The following PABPC1 variants were observed in gnomAD, a reference collection of about 807,000 sequenced individuals.
PABPC1 encodes polyadenylate-binding protein 1.
PABPC1 carries 4 observed loss-of-function variants against 74.0 expected under a neutral mutation model. The ratio of observed to expected loss-of-function variants is 0.05; its 90% CI spans 0.03 to 0.12. The LOEUF (loss-of-function observed/expected upper bound fraction) is 0.12. PABPC1 is among the 10% of genes least tolerant of loss of function. PABPC1 has a pLI of 1.00. For missense variants in PABPC1, 271 were observed against 821.1 expected (o/e 0.33, Z 8.19); for synonymous variants, 227 against 264.1 (o/e 0.86, Z 1.36).
intron 9 of PABPC1, among the ~76,000 whole-genome samples, chr8:100,708,530 G>C (rs980706347): frequency 6.6e-5 from 10 of 152,184 alleles, no homozygotes; most frequent in African/African-American, 1.9e-4. Context: ...CCACGACTCT[G>C]ATTCTCATAC....
At chr8:100,707,225 T>A in intron 9 of PABPC1, 2 of 387,094 alleles carry the variant, frequency 5.2e-6, no homozygotes, top group South Asian at 4.8e-5. Context: ...CCCCACAGGG[T>A]CGGTGGGCTT....
At chr8:100,719,882 G>A (rs1403333000) in intron 1 of PABPC1, among the ~76,000 whole-genome samples, 1 of 152,198 alleles carries the variant, frequency 6.6e-6, no homozygotes, top group Non-Finnish European at 1.5e-5. Flanking sequence ...GCCTAAGGTT[G>A]ACAAGAACTG....
At chr8:100,705,890 C>T (rs1306357796) in intron 11 of PABPC1, among the ~76,000 whole-genome samples, 1 of 152,148 alleles carries the variant, frequency 6.6e-6, no homozygotes, top group Non-Finnish European at 1.5e-5. Flanking sequence ...ACTTTGTCGC[C>T]CAGGCTGGAA....
At chr8:100,707,985 A>C (rs906474357) in intron 9 of PABPC1, among the ~76,000 whole-genome samples, 9 of 152,086 alleles carry the variant, frequency 5.9e-5, no homozygotes, top group Non-Finnish European at 1.0e-4. Flanking sequence ...CTCAGCTCCT[A>C]TCTCTGTATG....
chr8:100,716,758 A>G (rs1452901391), intron 3 of PABPC1, among the ~76,000 whole-genome samples: 1 of 152,218 alleles, frequency 6.6e-6, no homozygotes, highest in Admixed American at 6.5e-5. Flanking sequence ...CACAGGCACA[A>G]TCACAACACA....
At chr8:100,703,637 A>G (rs1259388266) in intron 14 of PABPC1, among the ~76,000 whole-genome samples, 1 of 152,204 alleles carries the variant, frequency 6.6e-6, no homozygotes, top group African/African-American at 2.4e-5. Flanking sequence ...TCCTGGCTGC[A>G]CTACTCAATT....
Position 100,712,806 on chromosome 8 carries a change from A to AGG in PABPC1, c.739-18_739-17insCC. 1 of 1,473,308 alleles carries AGG rather than the reference A, an allele frequency of 6.8e-7. No homozygotes were observed. The highest frequency in any genetic ancestry group is 2.4e-5 in the East Asian group (1 of 41,606). The allele number at this position is 1,473,308 out of a possible 1,614,324, so 91.3% of individuals were successfully genotyped here. On this transcript the variant is annotated splice_polypyrimidine_tract_variant and intron_variant, in intron 5 of 14. Coordinates refer to ENST00000318607, the MANE Select transcript of PABPC1 (RefSeq NM_002568.4). ...ATCCACAGCCTTCCCCCCAAAAAAAAAGAAAAAAAAAAAATCACAAAACTT... is the reference window on the plus strand; with the variant it reads ...ATCCACAGCCTTCCCCCCAAAAAAAAGGAGAAAAAAAAAAAATCACAAAACTT...
chr8:100,703,967 AT>A, intron 14 of PABPC1: 1 of 205,592 alleles, frequency 4.9e-6, no homozygotes, highest in Admixed American at 5.9e-5. Flanking sequence ...AGGCAGGAGA[AT>A]TGCTTGAACC....
At chr8:100,709,102 C>T (rs778323388) in intron 9 of PABPC1, 31 bp downstream of exon 9, 33 of 1,536,404 alleles carry the variant, frequency 2.1e-5, no homozygotes, top group South Asian at 5.6e-5. Flanking sequence ...TAACTCAATC[C>T]CCAACCTTAA....
chr8:100,721,675 G>A lies in PABPC1; in HGVS notation c.-92C>T. On this transcript the variant is annotated 5_prime_UTR_variant, in exon 1 of 15. Coordinates refer to ENST00000318607, the MANE Select transcript of PABPC1 (RefSeq NM_002568.4). The surrounding 1 kb of genome is among the most constrained non-coding windows in gnomAD (Gnocchi z 7.4). Reference sequence around the variant, plus strand: ...GGGCTGGGGGCCGGAGCCGGGGGGAGGGGAGCGGGGAGCAAGCGCAGAGGG... The same window carrying A: ...GGGCTGGGGGCCGGAGCCGGGGGGAAGGGAGCGGGGAGCAAGCGCAGAGGG... 1 of 1,038,740 alleles carries A rather than the reference G, an allele frequency of 9.6e-7. No homozygotes were observed. The highest frequency in any genetic ancestry group is 1.3e-6 in the Non-Finnish European group (1 of 758,148). 64.3% of individuals were successfully genotyped at this position (1,038,740 alleles called of 1,614,324 possible). A position where few individuals can be genotyped will look rare whatever the true frequency, so the allele number is the denominator to read the frequency against.
chr8:100,709,056 G>A, intron 9 of PABPC1, 77 bp downstream of exon 9: 2 of 1,073,242 alleles, frequency 1.9e-6, no homozygotes, highest in South Asian at 1.3e-5. Context: ...ACCTAACATT[G>A]ACATAGAAGA....
intron 13 of PABPC1, 72 bp downstream of exon 13, chr8:100,704,854 T>C: frequency 6.9e-7 from 1 of 1,449,018 alleles, no homozygotes; most frequent in Non-Finnish European, 9.6e-7. Context: ...AAGTGTTCTG[T>C]ACAATTAAGT....
intron 3 of PABPC1, 142 bp from the exon 4 acceptor site, chr8:100,715,743 C>T: frequency 1.9e-6 from 1 of 531,442 alleles, no homozygotes; most frequent in Non-Finnish European, 3.2e-6. Context: ...AGAAATAGGG[C>T]CATAATTTAA....
rs775560857 is a variant in PABPC1, at chr8:100,721,593, G to A, written c.-10C>T. 1.3e-6 allele frequency: 2 copies of A among 1,538,150 alleles called. No homozygotes were observed. The highest frequency in any genetic ancestry group is 1.8e-5 in the Admixed American group (1 of 55,360). On this transcript the variant is annotated 5_prime_UTR_variant, in exon 1 of 15. Coordinates refer to ENST00000318607, the MANE Select transcript of PABPC1 (RefSeq NM_002568.4). This position sits in a 1 kb window ranked among gnomAD's most constrained non-coding sequence, Gnocchi z 7.4. ...GGGCACTGGGGTTCATCTCGGCACG[G>A]CTGCCCGCAGGGCCACAGGCCGCGA... is the stretch of plus-strand genomic sequence containing the variant.
rs781382781 is a variant in PABPC1, at chr8:100,715,586, A to G, written c.519T>C (p.Phe173=). The change falls in exon 4 of 15, where the codon TTT becomes TTC. Residue 173 remains phenylalanine, a synonymous_variant. Coordinates refer to ENST00000318607, the MANE Select transcript of PABPC1 (RefSeq NM_002568.4). ...CAGCTTCTCGTTCTTTACGAGACTT[A>G]AATCGTCCAACAAATCTAATAAGAT... ...LNDRKVFVGR[F]KSRKEREAEL... 68 of 1,609,572 alleles carry G rather than the reference A, an allele frequency of 4.2e-5. No individual in the cohort carries two copies. In the East Asian group the frequency reaches 1.5e-3, roughly 35 times the overall value.
At chr8:100,715,959 G>A (rs1272365899) in intron 3 of PABPC1, among the ~76,000 whole-genome samples, 1 of 152,208 alleles carries the variant, frequency 6.6e-6, no homozygotes, top group Admixed American at 6.5e-5. Flanking sequence ...ATTTTAAAGT[G>A]GCGCTTGCGC....
chr8:100,720,750 T>C (rs1810800417), intron 1 of PABPC1, among the ~76,000 whole-genome samples: 1 of 152,154 alleles, frequency 6.6e-6, no homozygotes, highest in Non-Finnish European at 1.5e-5. Flanking sequence ...ATGTCTCCGG[T>C]AAATTCCATT....
chr8:100,721,545 G>A lies in PABPC1; in HGVS notation c.39C>T (p.Leu13=). The change falls in exon 1 of 15, where the codon CTC becomes CTT. Residue 13 remains leucine (L), a synonymous_variant. Coordinates refer to ENST00000318607, the MANE Select transcript of PABPC1 (RefSeq NM_002568.4). The surrounding 1 kb of genome is among the most constrained non-coding windows in gnomAD (Gnocchi z 7.4). ...CGTCGGGGTGGAGGTCCCCCACGTA[G>A]AGCGAGGCCATGGGGTAGCTGGGGG... ...PSAPSYPMAS[L]YVGDLHPDVT... is the part of the protein sequence containing the mutation. 1.9e-6 allele frequency: 3 copies of A among 1,608,910 alleles called. No individual in the cohort carries two copies. The highest frequency in any genetic ancestry group is 1.3e-5 in the African/African-American group (1 of 74,796).
chr8:100,712,622 C>G, intron 6 of PABPC1, 30 bp downstream of exon 6: 1 of 1,592,736 alleles, frequency 6.3e-7, no homozygotes, highest in Non-Finnish European at 8.5e-7. Context: ...TCATCCCTGT[C>G]TTATTTTGGT....
Sources: allele counts gnomAD v4.1 joint callset (sites outside exome capture counted in the v4.1 genomes callset), GRCh38; gene constraint gnomAD v4.1.1; non-coding constraint Gnocchi (gnomAD v3.1); transcripts MANE v1.5; gene names NCBI Gene and HGNC (gene_info 2026-07-23, HGNC 2026-07-21).